Variants in TPO observed in about 807,000 individuals in gnomAD.
TPO encodes thyroid microsomal antigen.
TPO carries 78 observed loss-of-function variants against 96.9 expected under a neutral mutation model. That is an observed-to-expected ratio of 0.81 (90% confidence interval 0.67 to 0.97). The LOEUF (loss-of-function observed/expected upper bound fraction) is 0.97, where lower values mean the gene tolerates loss of function less well. TPO is among the 50% of genes least tolerant of loss of function. The pLI, the probability that TPO is intolerant of heterozygous loss-of-function variation, is 0.00. For missense variants in TPO, 1,252 were observed against 1,274.8 expected (o/e 0.98, Z 0.27); for synonymous variants, 547 against 538.0 (o/e 1.02, Z -0.23).
chr2:1,382,306 T>C (rs1661822905), intron 1 of TPO, among the ~76,000 whole-genome samples: 1 of 152,114 alleles, frequency 6.6e-6, no homozygotes, highest in Non-Finnish European at 1.5e-5. Flanking sequence ...ACACAGTTGC[T>C]CTTTTCCAAG....
chr2:1,423,200 T>G, intron 3 of TPO, 71 bp downstream of exon 3: 1 of 1,476,148 alleles, frequency 6.8e-7, no homozygotes, highest in East Asian at 2.3e-5. Context: ...TCCACACACG[T>G]GTGGCCTGAT....
intron 8 of TPO, among the ~76,000 whole-genome samples, chr2:1,479,285 C>T (rs1464567924): frequency 1.3e-5 from 2 of 152,214 alleles, no homozygotes; most frequent in East Asian, 3.9e-4. Context: ...CTTCTGTGCC[C>T]CTTCCCTGAC....
At chr2:1,410,969 C>T (rs1463740300), upstream of TPO, among the ~76,000 whole-genome samples, 3 of 152,198 alleles carry the variant, frequency 2.0e-5, no homozygotes, top group East Asian at 5.8e-4. Flanking sequence ...CTGACAGAGA[C>T]TGGGGGCTTC....
rs868826798 is a variant in TPO, at chr2:1,378,731, C to T, written n.180+4329C>T. 5.9e-5 allele frequency among the ~76,000 whole-genome samples: 9 copies of T among 152,286 alleles called. No individual in the cohort carries two copies. In the East Asian group the frequency reaches 1.4e-3, roughly 23 times the overall value. On this transcript the variant is annotated intron_variant and non_coding_transcript_variant, in intron 1 of 5. Coordinates refer to the TPO transcript ENST00000497517. ...GGAGAAGAGAGATCTGTGGGAATGC[C>T]GTGCACCCGGCAGATGCTGTGTGCA...
rs1332637775 is a variant in TPO, at chr2:1,453,693, G to T, written c.483-1G>T. 1 of 1,613,828 alleles carries T rather than the reference G, an allele frequency of 6.2e-7. No individual in the cohort carries two copies. Among genetic ancestry groups the T allele is most frequent in the Non-Finnish European group, 8.5e-7 (1 of 1,180,044 alleles). On this transcript the variant is annotated splice_acceptor_variant, in intron 5 of 16. Transcript: ENST00000329066. LOFTEE classifies it high-confidence loss of function. ...ACACATCCTTGCATTTGTCTCCACA[G>T]AGACCACCCCAGATGGGGCGCCTCC... is the stretch of plus-strand genomic sequence containing the variant.
At chr2:1,442,822 G>A (rs1345159659) in intron 5 of TPO, among the ~76,000 whole-genome samples, 1 of 152,202 alleles carries the variant, frequency 6.6e-6, no homozygotes, top group Non-Finnish European at 1.5e-5. Flanking sequence ...AATAATTTGT[G>A]AGCAATAATG....
Position 1,380,037 on chromosome 2 carries a change from C to T in TPO, n.180+5635C>T, listed in dbSNP as rs183193524. 5.4e-4 allele frequency among the ~76,000 whole-genome samples: 82 copies of T among 152,208 alleles called. 1 individual carries two copies. The highest frequency in any genetic ancestry group is 4.3e-3 in the Admixed American group (65 of 15,292). On this transcript the variant is annotated intron_variant and non_coding_transcript_variant, in intron 1 of 5. Transcript: ENST00000497517. ...TCAAATGTGACTTTAAAAAAGATTA[C>T]GTAGAAAATCTATTTGTTCCTTATT...
chr2:1,496,859 G>A, intron 13 of TPO, 94 bp downstream of exon 13: 2 of 1,580,334 alleles, frequency 1.3e-6, no homozygotes, highest in Non-Finnish European at 1.7e-6. Context: ...TCGCCAAAAG[G>A]TGCTTCTGAA....
In TPO at chr2:1,493,801, G is replaced by A; in HGVS notation, c.1769-1G>A. 6.2e-7 allele frequency: 1 copy of A among 1,614,148 alleles called. No homozygotes were observed. The highest frequency in any genetic ancestry group is 8.5e-7 in the Non-Finnish European group (1 of 1,180,014). On this transcript the variant is annotated splice_acceptor_variant, in intron 10 of 16. Coordinates refer to ENST00000329066, the MANE Select transcript of TPO (RefSeq NM_001206744.2). LOFTEE classifies it high-confidence loss of function. Reference sequence around the variant, plus strand: ...AACCCTGCAGCCTCTCCCCTGTGCAGGTTACAATGAGTGGAGGGAGTTCTG... The same window carrying A: ...AACCCTGCAGCCTCTCCCCTGTGCAAGTTACAATGAGTGGAGGGAGTTCTG...
Position 1,487,907 on chromosome 2 carries a change from GA to G in TPO, c.1687del (p.Arg563GlyfsTer47). 6.2e-7 allele frequency: 1 copy of G among 1,614,206 alleles called. No homozygotes were observed. Among genetic ancestry groups the G allele is most frequent in the East Asian group, 2.2e-5 (1 of 44,878 alleles). On this transcript the variant is annotated frameshift_variant, in exon 10 of 17. Transcript: ENST00000329066. LOFTEE classifies it high-confidence loss of function. ...QDQLMNEELT[E>X]RLFVLSNSST... ...TCAGCTGATGAACGAGGAGCTGACG[GA>G]AAGGCTCTTTGTGCTGTCCAATTCC...
intron 10 of TPO, among the ~76,000 whole-genome samples, chr2:1,490,914 G>A (rs1029227638): frequency 5.3e-5 from 8 of 152,198 alleles, no homozygotes; most frequent in Non-Finnish European, 8.8e-5. Flanking sequence ...GCTCACGCCT[G>A]TAATCCCTGC....
chr2:1,422,619 C>G (rs1286205982), intron 2 of TPO, among the ~76,000 whole-genome samples: 5 of 151,930 alleles, frequency 3.3e-5, no homozygotes. Context: ...ATTCCAGGTG[C>G]TAAAACAAAT....
chr2:1,530,891 G>A (rs1414932516), intron 15 of TPO, among the ~76,000 whole-genome samples: 4 of 33,462 alleles, frequency 1.2e-4, no homozygotes, highest in Admixed American at 4.3e-4. Context: ...TCCCCCCACT[G>A]TGTGCAACCT....
intron 5 of TPO, among the ~76,000 whole-genome samples, chr2:1,443,498 G>C (rs1299861120): frequency 6.7e-6 from 1 of 149,756 alleles, no homozygotes; most frequent in African/African-American, 2.4e-5. Flanking sequence ...GGAAGGGAAT[G>C]GGGCCGGGGC....
chr2:1,535,378 C>G (rs192310133), intron 15 of TPO, among the ~76,000 whole-genome samples: 3 of 70,926 alleles, frequency 4.2e-5, no homozygotes, highest in African/African-American at 1.5e-4. Context: ...GCAACCTCCT[C>G]AAATCTCCCC....
intron 1 of TPO, among the ~76,000 whole-genome samples, chr2:1,394,472 A>G (rs1662049095): frequency 6.6e-6 from 1 of 152,148 alleles, no homozygotes; most frequent in Non-Finnish European, 1.5e-5. Flanking sequence ...TCTGAATAGG[A>G]TGTGGAATGG....
At chr2:1,534,838 C>T (rs1679198725) in intron 15 of TPO, among the ~76,000 whole-genome samples, 1 of 143,038 alleles carries the variant, frequency 7.0e-6, no homozygotes, top group Non-Finnish European at 1.5e-5. Flanking sequence ...TCAAGTCCCC[C>T]ACTGTGTGTA....
chr2:1,524,716 TC>T (rs1676035394), intron 15 of TPO, among the ~76,000 whole-genome samples: 1 of 69,992 alleles, frequency 1.4e-5, no homozygotes. Flanking sequence ...CTCCCCACAT[TC>T]CCCCCAGTGT....
At chr2:1,407,227 A>T (rs1158368930) in intron 1 of TPO, among the ~76,000 whole-genome samples, 1 of 152,196 alleles carries the variant, frequency 6.6e-6, no homozygotes, top group Non-Finnish European at 1.5e-5. Flanking sequence ...AAATACATTC[A>T]AGTCAGCAAA....
Sources: gnomAD v4.1 joint callset for allele counts (sites outside exome capture counted in the v4.1 genomes callset) on GRCh38, gnomAD v4.1.1 for gene constraint, MANE v1.5 for transcripts, NCBI Gene and HGNC (gene_info 2026-07-23, HGNC 2026-07-21) for gene names.